Variants in EFL1 observed in about 807,000 individuals in gnomAD.
EFL1 encodes elongation factor-like GTPase 1.
In EFL1, 76 loss-of-function variants were observed where a neutral mutation model predicts 126.7. The observed-to-expected ratio is 0.60, with a 90% CI of 0.50 to 0.73. The LOEUF (loss-of-function observed/expected upper bound fraction) is 0.73. Among genes scored for constraint, EFL1 ranks in the 30% least tolerant of loss-of-function variants. EFL1 has a pLI of 0.00. For synonymous variants in EFL1, 410 were observed against 448.4 expected (o/e 0.91, Z 1.08); for missense variants, 1,128 against 1,343.2 (o/e 0.84, Z 2.50).
At chr15:82,228,069 A>G (rs2074782775) in intron 10 of EFL1, 122 bp downstream of exon 10, 2 of 1,229,238 alleles carry the variant, frequency 1.6e-6, no homozygotes, top group Non-Finnish European at 1.1e-6. Context: ...ACACTAAATA[A>G]GCAGAGAAGA....
chr15:82,138,263 T>G (rs1413773932), intron 19 of EFL1, among the ~76,000 whole-genome samples: 1 of 152,174 alleles, frequency 6.6e-6, no homozygotes, highest in African/African-American at 2.4e-5. Flanking sequence ...GGAGATATTT[T>G]TTTTTCCCCT....
At chr15:82,132,681 TGGG>T (rs67000643) in intron 19 of EFL1, among the ~76,000 whole-genome samples, 1,750 of 42,982 alleles carry the variant, frequency 0.041, 26 homozygotes, top group Non-Finnish European at 0.048. Context: ...GTCCAGGAAT[TGGG>T]GGGGGGGGGG....
chr15:82,154,922 G>C (rs543533662), intron 17 of EFL1, among the ~76,000 whole-genome samples: 1 of 151,992 alleles, frequency 6.6e-6, no homozygotes. Flanking sequence ...CCACCTGCCC[G>C]ATTAATTTAT....
intron 15 of EFL1, among the ~76,000 whole-genome samples, chr15:82,213,691 AT>A (rs1388899905): frequency 6.6e-6 from 1 of 152,236 alleles, no homozygotes; most frequent in East Asian, 1.9e-4. Flanking sequence ...AGGAAGGCTT[AT>A]GAACAAAAGT....
intron 15 of EFL1, among the ~76,000 whole-genome samples, chr15:82,183,530 C>A (rs1288143088): frequency 6.6e-6 from 1 of 152,178 alleles, no homozygotes; most frequent in Non-Finnish European, 1.5e-5. Context: ...TACTGCTCCA[C>A]AGACAGCAAC....
Position 82,217,254 on chromosome 15 carries a change from A to G in EFL1, c.1611+2398T>C, listed in dbSNP as rs79121440. ...CTACTTTGGACAATAAATTGGAATT[A>G]TCTTGTTAAGCAAGAGATTACCAAG... On this transcript the variant is annotated intron_variant, in intron 14 of 19. Coordinates refer to ENST00000268206, the MANE Select transcript of EFL1 (RefSeq NM_024580.6). 5.3e-5 allele frequency among the ~76,000 whole-genome samples: 8 copies of G among 151,458 alleles called. No homozygotes were observed. In the East Asian group the frequency reaches 1.6e-3, roughly 30 times the overall value.
At chr15:82,240,676 T>C (rs758216009) in intron 5 of EFL1, 121 bp from the exon 6 acceptor site, 38 of 1,138,816 alleles carry the variant, frequency 3.3e-5, no homozygotes, top group Non-Finnish European at 4.3e-5. Flanking sequence ...TCATTAGGCA[T>C]TCACAAACTA....
At chr15:82,140,402 CCTA>C (rs2073773665) in intron 18 of EFL1, among the ~76,000 whole-genome samples, 1 of 152,148 alleles carries the variant, frequency 6.6e-6, no homozygotes, top group African/African-American at 2.4e-5. Flanking sequence ...GTCTACTCTG[CCTA>C]CTGTCTCCAA....
At chr15:82,240,390 ATTT>A in intron 6 of EFL1, 25 bp downstream of exon 6, 1 of 1,544,874 alleles carries the variant, frequency 6.5e-7, no homozygotes, top group East Asian at 2.4e-5. Context: ...TCGTGGCTAA[ATTT>A]TTTAAATACT....
In EFL1 at chr15:82,201,538, C is replaced by T. The variant is rs573278275; in HGVS notation, c.1750+13179G>A. Among the ~76,000 whole-genome samples the T allele has an allele frequency of 3.9e-4, 59 of 152,234 alleles. 1 individual carries two copies. In the South Asian group the frequency reaches 0.012, roughly 30 times the overall value. ...TTCTGGAGGTTCAGTTGAGGATTTTCCTTGTAAACGATATCTTAAAAGAAT... is the reference window on the plus strand; with the variant it reads ...TTCTGGAGGTTCAGTTGAGGATTTTTCTTGTAAACGATATCTTAAAAGAAT... On this transcript the variant is annotated intron_variant, in intron 15 of 19. Coordinates refer to ENST00000268206, the MANE Select transcript of EFL1 (RefSeq NM_024580.6).
chr15:82,199,317 A>C (rs2074442499), intron 15 of EFL1, among the ~76,000 whole-genome samples: 1 of 150,520 alleles, frequency 6.6e-6, no homozygotes, highest in Non-Finnish European at 1.5e-5. Flanking sequence ...GAAGTTGAGA[A>C]AGAGAGAGAG....
At chr15:82,143,856 G>C (rs1282280983) in intron 18 of EFL1, among the ~76,000 whole-genome samples, 3 of 152,232 alleles carry the variant, frequency 2.0e-5, no homozygotes, top group South Asian at 4.1e-4. Flanking sequence ...AGATAACTGG[G>C]CAAGGACCCC....
At chr15:82,155,418 C>T (rs1168600917) in intron 17 of EFL1, among the ~76,000 whole-genome samples, 1 of 152,108 alleles carries the variant, frequency 6.6e-6, no homozygotes, top group Non-Finnish European at 1.5e-5. Context: ...AGGAGAATTG[C>T]CTGAGCCCAG....
chr15:82,191,444 T>G (rs2074358309), intron 15 of EFL1, among the ~76,000 whole-genome samples: 1 of 152,178 alleles, frequency 6.6e-6, no homozygotes, highest in Non-Finnish European at 1.5e-5. Context: ...AAAAGCAGAC[T>G]GCACGGATCA....
At chr15:82,247,764 T>G (rs568063696) in intron 4 of EFL1, among the ~76,000 whole-genome samples, 1 of 152,164 alleles carries the variant, frequency 6.6e-6, no homozygotes, top group African/African-American at 2.4e-5. Context: ...AGGAAGGGAA[T>G]AATGGGAAAT....
intron 4 of EFL1, 143 bp downstream of exon 4, chr15:82,252,548 T>A: frequency 1.5e-6 from 1 of 687,492 alleles, no homozygotes; most frequent in Non-Finnish European, 2.5e-6. Flanking sequence ...ACAGCCTGAC[T>A]CTGACAACAG....
intron 15 of EFL1, among the ~76,000 whole-genome samples, chr15:82,177,541 G>C (rs1361875058): frequency 6.6e-6 from 1 of 152,102 alleles, no homozygotes; most frequent in Non-Finnish European, 1.5e-5. Flanking sequence ...GCATACTTCT[G>C]TCTACCCTCT....
intron 15 of EFL1, among the ~76,000 whole-genome samples, chr15:82,188,430 C>T (rs1595970685): frequency 6.6e-6 from 1 of 152,068 alleles, no homozygotes; most frequent in African/African-American, 2.4e-5. Context: ...GAAATCTTCA[C>T]TTAATTGGAA....
intron 11 of EFL1, among the ~76,000 whole-genome samples, chr15:82,225,880 T>C (rs528330104): frequency 2.0e-5 from 3 of 152,240 alleles, no homozygotes; most frequent in Non-Finnish European, 2.9e-5. Context: ...TAAAAAAACA[T>C]TGATTAATGA....
Sources: allele counts gnomAD v4.1 joint callset (sites outside exome capture counted in the v4.1 genomes callset), GRCh38; gene constraint gnomAD v4.1.1; transcripts MANE v1.5; gene names NCBI Gene and HGNC (gene_info 2026-07-23, HGNC 2026-07-21).